The following CEP164 variants were observed in gnomAD, a reference collection of about 807,000 sequenced individuals.
CEP164 encodes centrosomal protein 164.
In CEP164, 162 loss-of-function variants were observed where a neutral mutation model predicts 182.7. The observed-to-expected ratio is 0.89, with a 90% CI of 0.78 to 1.01. The LOEUF (loss-of-function observed/expected upper bound fraction) is 1.01. Among genes scored for constraint, CEP164 ranks in the 50% least tolerant of loss-of-function variants. The probability of loss-of-function intolerance (pLI) is 0.00; values close to 1 mark genes in which losing one functional copy is unlikely to be tolerated. For synonymous variants in CEP164, 661 were observed against 690.0 expected (o/e 0.96, Z 0.66); for missense variants, 1,735 against 1,790.4 (o/e 0.97, Z 0.56).
intron 5 of CEP164, among the ~76,000 whole-genome samples, chr11:117,360,146 T>C (rs1214063012): frequency 6.6e-6 from 1 of 152,112 alleles, no homozygotes. Flanking sequence ...GTTGATTTTT[T>C]TTCCAGACAG....
intron 4 of CEP164, among the ~76,000 whole-genome samples, chr11:117,346,291 T>C (rs1432489448): frequency 2.0e-5 from 3 of 151,610 alleles, no homozygotes; most frequent in Non-Finnish European, 2.9e-5. Flanking sequence ...TTTTTTGAGA[T>C]GGAGTCTTGC....
upstream of CEP164, among the ~76,000 whole-genome samples, chr11:117,327,495 T>G (rs2035526214): frequency 6.8e-6 from 1 of 147,270 alleles, no homozygotes; most frequent in South Asian, 2.2e-4. Context: ...AGAGAAGGGG[T>G]TTCACCATGT....
Position 117,412,323 on chromosome 11 carries a change from A to G in CEP164, c.*155A>G. ...ACCAGGGGGTTGAGTGGAACAGTAA[A>G]GCCACACATTCTGTGACTATATAAC... On this transcript the variant is annotated 3_prime_UTR_variant, in exon 33 of 33. Transcript: ENST00000278935. The G allele has an allele frequency of 1.6e-6, 1 of 614,536 alleles. No homozygotes were observed. The highest frequency in any genetic ancestry group is 2.8e-6 in the Non-Finnish European group (1 of 352,716). The allele number at this position is 614,536 out of a possible 1,614,324, so 38.1% of individuals were successfully genotyped here.
intron 27 of CEP164, among the ~76,000 whole-genome samples, chr11:117,407,160 G>A (rs935464879): frequency 6.6e-6 from 1 of 152,104 alleles, no homozygotes. Context: ...CTCAGGCCCC[G>A]ATGGCCCCTA....
At chr11:117,373,362 G>C (rs1247327277) in intron 9 of CEP164, among the ~76,000 whole-genome samples, 3 of 149,570 alleles carry the variant, frequency 2.0e-5, no homozygotes, top group Admixed American at 6.6e-5. Context: ...ACTCCATCTC[G>C]GAAAAAAAAA....
chr11:117,351,866 C>A lies in CEP164; in HGVS notation c.271C>A (p.His91Asn), dbSNP rs1461704449. Residue 91 changes from histidine to asparagine, a missense_variant, in exon 5 of 33, where the codon CAC becomes AAC. His to Asn is a moderately conservative substitution (Grantham distance 68). Transcript: ENST00000278935. ...TATGTGGGACCATCCATGTGACGAA[C>A]ACTATCGGAGCTTGGTGATCCAAGA... ...QSMWDHPCDE[H>N]YRSLVIQERA... 1 of 1,613,726 alleles carries A rather than the reference C, an allele frequency of 6.2e-7. No homozygotes were observed. Among genetic ancestry groups the A allele is most frequent in the East Asian group, 2.2e-5 (1 of 44,870 alleles).
In CEP164 at chr11:117,383,751, T is replaced by C. The variant is rs191356801; in HGVS notation, c.1724+809T>C. Among the ~76,000 whole-genome samples the C allele has an allele frequency of 6.6e-4, 100 of 152,254 alleles. 1 individual carries two copies. The highest frequency in any genetic ancestry group is 2.3e-3 in the African/African-American group (96 of 41,564). On this transcript the variant is annotated intron_variant, in intron 14 of 32. Transcript: ENST00000278935. ...GTCAGTGGCAGAATTAGAACTAGAT[T>C]ATAGGCCGGGCGCGGTGGCTCACAC...
intron 1 of CEP164, among the ~76,000 whole-genome samples, chr11:117,333,104 C>A (rs1034199329): frequency 6.6e-6 from 1 of 152,182 alleles, no homozygotes; most frequent in Non-Finnish European, 1.5e-5. Flanking sequence ...CCTTGAACTC[C>A]TGGGCTCAAG....
At chr11:117,396,319 G>T in intron 25 of CEP164, 139 bp downstream of exon 25, 2 of 1,005,330 alleles carry the variant, frequency 2.0e-6, no homozygotes, top group Non-Finnish European at 3.0e-6. Context: ...GGAGTATAAG[G>T]TGGGCCAAGG....
At chr11:117,395,506 G>C (rs757017556) in intron 23 of CEP164, 41 bp from the exon 24 acceptor site, 38 of 1,570,490 alleles carry the variant, frequency 2.4e-5, no homozygotes, top group Non-Finnish European at 3.2e-5. Context: ...GCTTCTCTCT[G>C]TGCTGTCTCT....
intron 15 of CEP164, 67 bp downstream of exon 15, chr11:117,387,479 T>C: frequency 6.6e-7 from 1 of 1,511,388 alleles, no homozygotes. Context: ...AGGGACACCC[T>C]CTTAGCCTGG....
At chr11:117,339,366 C>G (rs1171900329) in intron 3 of CEP164, among the ~76,000 whole-genome samples, 3 of 151,986 alleles carry the variant, frequency 2.0e-5, no homozygotes, top group Admixed American at 6.6e-5. Flanking sequence ...GTTCTGAGAC[C>G]AGGGGAAACC....
chr11:117,378,359 T>C (rs2042968708), intron 11 of CEP164, among the ~76,000 whole-genome samples: 2 of 152,148 alleles, frequency 1.3e-5, no homozygotes, highest in African/African-American at 4.8e-5. Flanking sequence ...TTTTCTCTTA[T>C]CTTTTTTCTT....
intron 5 of CEP164, among the ~76,000 whole-genome samples, chr11:117,352,278 C>G (rs868595872): frequency 1.1e-4 from 16 of 152,040 alleles, no homozygotes; most frequent in Non-Finnish European, 1.5e-4. Flanking sequence ...TGGTTTTTTG[C>G]AGTAGTAGTA....
At chr11:117,346,522 G>T (rs898808881) in intron 4 of CEP164, among the ~76,000 whole-genome samples, 4 of 151,740 alleles carry the variant, frequency 2.6e-5, no homozygotes, top group African/African-American at 9.7e-5. Context: ...CTCCCAAAGT[G>T]CTGGGATTAC....
chr11:117,348,542 A>G (rs1565445250), intron 4 of CEP164, among the ~76,000 whole-genome samples: 1 of 152,110 alleles, frequency 6.6e-6, no homozygotes, highest in Non-Finnish European at 1.5e-5. Context: ...TATTTCCACT[A>G]TTTTATCCCA....
chr11:117,406,789 G>C (rs1487916680), intron 27 of CEP164, among the ~76,000 whole-genome samples: 1 of 152,100 alleles, frequency 6.6e-6, no homozygotes, highest in Non-Finnish European at 1.5e-5. Context: ...GGATCACCTG[G>C]GCCCTTAGAA....
At chr11:117,388,271 T>G (rs570792616) in intron 15 of CEP164, among the ~76,000 whole-genome samples, 2 of 152,300 alleles carry the variant, frequency 1.3e-5, no homozygotes, top group South Asian at 4.1e-4. Flanking sequence ...AGAGGCCCTC[T>G]TAGGTTGTGG....
At position 117,395,016 on chromosome 11, in the gene CEP164, C is replaced by G. The variant is rs776607185; in HGVS notation, c.2844+13C>G. The G allele has an allele frequency of 6.2e-7, 1 of 1,613,758 alleles. No homozygotes were observed. Among genetic ancestry groups the G allele is most frequent in the Non-Finnish European group, 8.5e-7 (1 of 1,179,746 alleles). Reference sequence around the variant, plus strand: ...GCTGGAGGTCCAGGTGAGGGATCTGCAGGAGTCCTTGACCTCAGAGTCATA... The same window carrying G: ...GCTGGAGGTCCAGGTGAGGGATCTGGAGGAGTCCTTGACCTCAGAGTCATA... On this transcript the variant is annotated intron_variant, in intron 22 of 32. Transcript: ENST00000278935.
Sources: gnomAD v4.1 joint callset for allele counts (sites outside exome capture counted in the v4.1 genomes callset) on GRCh38, gnomAD v4.1.1 for gene constraint, MANE v1.5 for transcripts, NCBI Gene and HGNC (gene_info 2026-07-23, HGNC 2026-07-21) for gene names.